Variants in DCST2 observed in about 807,000 individuals in gnomAD.
The protein encoded by DCST2 is DC-STAMP domain containing 2, also known as DC-STAMP domain-containing protein 2.
Under a neutral mutation model 81.8 loss-of-function variants are expected in DCST2, and 64 were observed. The observed-to-expected ratio is 0.78, with a 90% confidence interval of 0.64 to 0.96. The LOEUF (loss-of-function observed/expected upper bound fraction) is 0.96, where lower values mean the gene tolerates loss of function less well. Among genes scored for constraint, DCST2 ranks in the 40% least tolerant of loss-of-function variants. DCST2 has a pLI of 0.00. For missense variants in DCST2, 945 were observed against 1,001.4 expected (o/e 0.94, Z 0.76); for synonymous variants, 354 against 402.6 (o/e 0.88, Z 1.44).
intron 3 of DCST2, 136 bp downstream of exon 3, chr1:155,032,531 G>A: frequency 1.6e-6 from 1 of 631,774 alleles, no homozygotes; most frequent in Middle Eastern, 4.5e-4. Context: ...TGCCAAGGCT[G>A]GTCTCAAACT....
chr1:155,030,764 C>A, intron 5 of DCST2, 119 bp from the exon 6 acceptor site: 1 of 1,086,494 alleles, frequency 9.2e-7, no homozygotes, highest in Non-Finnish European at 1.3e-6. Flanking sequence ...GCTGGGAACC[C>A]CCCAGTGCTT....
At chr1:155,021,842 C>G (rs925612048) in intron 14 of DCST2, among the ~76,000 whole-genome samples, 2 of 151,788 alleles carry the variant, frequency 1.3e-5, no homozygotes, top group Non-Finnish European at 1.5e-5. Context: ...CCAACCTCCA[C>G]TCTGCCTTCT....
rs750029965 is a variant in DCST2 at position 155,033,139 on chromosome 1, T to C, written c.394A>G (p.Asn132Asp). 11 of 1,606,630 alleles carry C rather than the reference T, an allele frequency of 6.8e-6. No homozygotes were observed. Among genetic ancestry groups the C allele is most frequent in the East Asian group, 2.2e-5 (1 of 44,746 alleles). ...AVACGAELAL[N>D]QTAEVLQRAK... ...CTCTGTAGCACTTCGGCGGTCTGGT[T>C]CAGGGCCAGCTCTGCCCCACAGGCT... is the stretch of plus-strand genomic sequence containing the variant. The change falls in exon 2 of 15, where the codon AAC (asparagine) becomes GAC (aspartate). Residue 132 changes from asparagine (N) to aspartate (D), a missense_variant. Coordinates refer to ENST00000368424, the MANE Select transcript of DCST2 (RefSeq NM_144622.3).
chr1:155,025,579 G>C (rs180795978), intron 10 of DCST2, among the ~76,000 whole-genome samples: 26 of 151,990 alleles, frequency 1.7e-4, no homozygotes, highest in Non-Finnish European at 2.6e-4. Flanking sequence ...TGCCCACCTC[G>C]GCCTCCTAAA....
chr1:155,025,690 TTTTTG>T (rs1190468029), intron 10 of DCST2, among the ~76,000 whole-genome samples: 3 of 151,310 alleles, frequency 2.0e-5, no homozygotes, highest in African/African-American at 4.9e-5. Context: ...CCACCATGTT[TTTTTG>T]TTTTGTTTTG....
intron 12 of DCST2, 25 bp from the exon 13 acceptor site, chr1:155,023,482 G>A (rs754795015): frequency 1.3e-6 from 2 of 1,566,084 alleles, no homozygotes; most frequent in East Asian, 4.7e-5. Flanking sequence ...GGGGAATGGA[G>A]GTGAACCCGA....
rs537163038 is a variant in DCST2, at chr1:155,032,701, G to T, written c.507C>A (p.Phe169Leu). ...TCACACCATCCATGATTGACCGAAA[G>T]AACTTGCGGACCCGGTCAGCCACCT... ...TKEVADRVRK[F>L]FRSIMDGVKH... The change falls in exon 3 of 15, where the codon TTC (phenylalanine) becomes TTA (leucine). Residue 169 changes from phenylalanine to leucine, a missense_variant. Physicochemically the swap from Phe to Leu is conservative, Grantham distance 22. Coordinates refer to ENST00000368424, the MANE Select transcript of DCST2 (RefSeq NM_144622.3). 2 of 1,614,128 alleles carry T rather than the reference G, an allele frequency of 1.2e-6. No individual in the cohort carries two copies. The highest frequency in any genetic ancestry group is 1.3e-5 in the African/African-American group (1 of 75,052).
At chr1:155,030,271 G>A (rs1660033427) in intron 6 of DCST2, 30 bp from the exon 7 acceptor site, 2 of 1,613,622 alleles carry the variant, frequency 1.2e-6, no homozygotes, top group Non-Finnish European at 1.7e-6. Context: ...CACATGTGAG[G>A]CCCCTTAGGA....
chr1:155,018,687 C>T lies in DCST2; in HGVS notation c.2179G>A (p.Val727Ile), dbSNP rs1659646102. ...GGCTCAGGGCTGGTGAGAATGCTGA[C>T]AGGCTGATGGGCTTCAGGTAAGGGC... ...QQPLPEAHQPVSILTSPEPHR... is the reference protein window; with the variant it reads ...QQPLPEAHQPISILTSPEPHR... The change falls in exon 15 of 15, where the codon GTC (valine) becomes ATC (isoleucine). Residue 727 changes from valine to isoleucine, a missense_variant. By Grantham distance (29) the Val-to-Ile change is conservative. Coordinates refer to ENST00000368424, the MANE Select transcript of DCST2 (RefSeq NM_144622.3). 1 of 1,613,948 alleles carries T rather than the reference C, an allele frequency of 6.2e-7. No individual in the cohort carries two copies. The highest frequency in any genetic ancestry group is 2.2e-5 in the East Asian group (1 of 44,864).
Position 155,029,349 on chromosome 1 carries a change from G to T in DCST2, c.1226C>A (p.Thr409Asn). 6.2e-7 allele frequency: 1 copy of T among 1,614,094 alleles called. No homozygotes were observed. The highest frequency in any genetic ancestry group is 8.5e-7 in the Non-Finnish European group (1 of 1,180,004). ...QWEKFFYILE[T>N]FNLIRHLLLV... is the part of the protein sequence containing the mutation. ...GAGGAGGTGTCGGATAAGGTTGAAGGTCTCCAGAATGTAAAAAAACTTCTC... is the reference window on the plus strand; with the variant it reads ...GAGGAGGTGTCGGATAAGGTTGAAGTTCTCCAGAATGTAAAAAAACTTCTC... The change falls in exon 8 of 15, where the codon ACC (threonine) becomes AAC (asparagine). Residue 409 changes from threonine (T) to asparagine (N), a missense_variant. Thr to Asn is a moderately conservative substitution (Grantham distance 65). Transcript: ENST00000368424.
chr1:155,030,622 C>G lies in DCST2; in HGVS notation c.829G>C (p.Val277Leu). The stretch of plus-strand genomic sequence containing the variant: ...ATGTTGAACTCAAACTCCTGACGCA[C>G]CCGGTTGAGCAACTGAATCACGGCT... ...GTPVIQLLNR[V>L]RQEFEFNMTA... is the part of the protein sequence containing the mutation. The change falls in exon 6 of 15, where the codon GTG becomes CTG. Residue 277 changes from valine (V) to leucine (L), a missense_variant. Val to Leu is a conservative substitution (Grantham distance 32). Coordinates refer to ENST00000368424, the MANE Select transcript of DCST2 (RefSeq NM_144622.3). The G allele has an allele frequency of 6.2e-7, 1 of 1,614,036 alleles. No homozygotes were observed. The highest frequency in any genetic ancestry group is 2.2e-5 in the East Asian group (1 of 44,866).
Position 155,023,376 on chromosome 1 carries a change from A to G in DCST2, c.1952T>C (p.Leu651Pro), listed in dbSNP as rs1198490271. 39 of 1,608,788 alleles carry G rather than the reference A, an allele frequency of 2.4e-5. No individual in the cohort carries two copies. The highest frequency in any genetic ancestry group is 3.2e-5 in the Non-Finnish European group (38 of 1,177,486). Reference protein sequence around the residue: ...CASPLSYQGDLDLELDSSDEE... With the variant: ...CASPLSYQGDPDLELDSSDEE... ...CTGAAAGACTCACAGCTCCAGGTCC[A>G]GGTCCCCCTGGTAGGAGAGGGGAGA... Residue 651 changes from leucine (L) to proline (P), a missense_variant, in exon 13 of 15, where the codon CTG (leucine) becomes CCG (proline). Physicochemically the swap from Leu to Pro is moderately conservative, Grantham distance 98 (BLOSUM62 -3). Transcript: ENST00000368424.
At chr1:155,020,655 C>A (rs531937921) in intron 14 of DCST2, among the ~76,000 whole-genome samples, 15 of 152,278 alleles carry the variant, frequency 9.9e-5, no homozygotes, top group African/African-American at 3.4e-4. Flanking sequence ...GCGTGAGCCA[C>A]CACACCCAGC....
rs756052451 is a variant in DCST2 at position 155,026,396 on chromosome 1, A to C, written c.1517T>G (p.Met506Arg). 8 of 1,613,622 alleles carry C rather than the reference A, an allele frequency of 5.0e-6. No individual in the cohort carries two copies. The highest frequency in any genetic ancestry group is 6.8e-6 in the Non-Finnish European group (8 of 1,180,026). Residue 506 changes from methionine (M) to arginine (R), a missense_variant, in exon 10 of 15, where the codon ATG becomes AGG. Coordinates refer to ENST00000368424, the MANE Select transcript of DCST2 (RefSeq NM_144622.3). ...GGTGATGAAGAAGCATAGGCCATACATGACGCCTGGGAGCACAGCAGCCAC... is the reference window on the plus strand; with the variant it reads ...GGTGATGAAGAAGCATAGGCCATACCTGACGCCTGGGAGCACAGCAGCCAC... Reference protein sequence around the residue: ...DSTGYIVIGVMYGLCFFITLF... With the variant: ...DSTGYIVIGVRYGLCFFITLF...
chr1:155,024,697 C>G, intron 10 of DCST2, 95 bp from the exon 11 acceptor site: 1 of 1,337,444 alleles, frequency 7.5e-7, no homozygotes, highest in Non-Finnish European at 9.7e-7. Flanking sequence ...TCCTTCTATC[C>G]AACTCCTATG....
chr1:155,030,362 A>C, intron 6 of DCST2, 70 bp downstream of exon 6: 1 of 1,593,602 alleles, frequency 6.3e-7, no homozygotes, highest in Non-Finnish European at 8.6e-7. Context: ...GGGAGAAATG[A>C]GCTGCTCCCT....
intron 5 of DCST2, 116 bp from the exon 6 acceptor site, chr1:155,030,761 AC>A: frequency 2.7e-6 from 3 of 1,106,670 alleles, no homozygotes; most frequent in Non-Finnish European, 3.9e-6. Flanking sequence ...CCAGCTGGGA[AC>A]CCCCCAGTGC....
chr1:155,028,853 AAC>A (rs1659986729), intron 8 of DCST2, among the ~76,000 whole-genome samples: 1 of 144,122 alleles, frequency 6.9e-6, no homozygotes, highest in Non-Finnish European at 1.5e-5. Context: ...CTGGTGACAG[AAC>A]GAGACTCTGT....
intron 3 of DCST2, 87 bp downstream of exon 3, chr1:155,032,580 G>A: frequency 2.6e-6 from 3 of 1,145,570 alleles, no homozygotes; most frequent in Admixed American, 3.5e-5. Context: ...GCCTCGCAAA[G>A]TGCTGGGATT....
Sources: gnomAD v4.1 joint callset for allele counts (sites outside exome capture counted in the v4.1 genomes callset) on GRCh38, gnomAD v4.1.1 for gene constraint, MANE v1.5 for transcripts, NCBI Gene and HGNC (gene_info 2026-07-23, HGNC 2026-07-21) for gene names.